HGF: variants seen among roughly 807,000 people sequenced by gnomAD.
The protein encoded by HGF is fibroblast-derived tumor cytotoxic factor.
A neutral mutation model predicts 111.6 loss-of-function variants in HGF; 39 were observed. That is an observed-to-expected ratio of 0.35 (90% CI 0.27 to 0.46). The LOEUF (loss-of-function observed/expected upper bound fraction) is 0.46, where lower values mean the gene tolerates loss of function less well. Among genes scored for constraint, HGF ranks in the 20% least tolerant of loss-of-function variants. The pLI is 1.00. For synonymous variants in HGF, 285 were observed against 294.8 expected (o/e 0.97, Z 0.34); for missense variants, 735 against 910.5 (o/e 0.81, Z 2.48).
Position 81,717,305 on chromosome 7 carries a change from A to G in HGF, c.1332T>C (p.Asp444=), listed in dbSNP as rs2115849100. 6.2e-7 allele frequency: 1 copy of G among 1,613,652 alleles called. No individual in the cohort carries two copies. The highest frequency in any genetic ancestry group is 1.3e-5 in the African/African-American group (1 of 75,046). ...KLNENYCRNP[D]DDAHGPWCYT... is the part of the protein sequence containing the mutation. ...AGCACCAGGGTCCATGAGCATCATCATCTGGATTTCGGCAGTAATTCTCAT... is the reference window on the plus strand; with the variant it reads ...AGCACCAGGGTCCATGAGCATCATCGTCTGGATTTCGGCAGTAATTCTCAT... The change falls in exon 11 of 18, where the codon GAT becomes GAC. Residue 444 remains aspartate, a synonymous_variant. Transcript: ENST00000222390.
intron 7 of HGF, among the ~76,000 whole-genome samples, chr7:81,732,113 G>T (rs1787679923): frequency 6.6e-6 from 1 of 152,124 alleles, no homozygotes; most frequent in South Asian, 2.1e-4. Flanking sequence ...CACAGATCCA[G>T]TCTTGATGAG....
rs2115730449 is a variant in HGF at position 81,700,423 on chromosome 7, A to G, written c.*2158T>C. 1.3e-5 allele frequency: 2 copies of G among 151,754 alleles called. No homozygotes were observed. Among genetic ancestry groups the G allele is most frequent in the South Asian group, 4.1e-4 (2 of 4,826 alleles). The allele number at this position is 151,754 out of a possible 1,614,324, so 9.4% of individuals were successfully genotyped here. On this transcript the variant is annotated 3_prime_UTR_variant, in exon 18 of 18. Transcript: ENST00000222390. The stretch of plus-strand genomic sequence containing the variant: ...AGCCTTTAATAAAATGAAAAATACT[A>G]GCCTCAAAATGTCTAAATACTTAGC...
chr7:81,757,768 A>C (rs1177163813), intron 3 of HGF, among the ~76,000 whole-genome samples: 2 of 152,086 alleles, frequency 1.3e-5, no homozygotes, highest in Non-Finnish European at 2.9e-5. Flanking sequence ...CTTGCTTATT[A>C]GTTTCCATAT....
chr7:81,731,873 T>G, intron 7 of HGF, among the ~76,000 whole-genome samples: 1 of 152,126 alleles, frequency 6.6e-6, no homozygotes, highest in East Asian at 1.9e-4. Flanking sequence ...GGGCACAAGC[T>G]CTTGGGCAGC....
In HGF at chr7:81,705,481, T is replaced by C. The variant is rs756602776; in HGVS notation, c.1919A>G (p.Glu640Gly). 2 of 1,612,702 alleles carry C rather than the reference T, an allele frequency of 1.2e-6. No individual in the cohort carries two copies. ...CCCTCGATGATGCTGGCTGCATTTCTCATTTCCCATTATATAGAGATGTGC... is the reference window on the plus strand; with the variant it reads ...CCCTCGATGATGCTGGCTGCATTTCCCATTTCCCATTATATAGAGATGTGC... ...RVAHLYIMGNEKCSQHHRGKV... is the reference protein window; with the variant it reads ...RVAHLYIMGNGKCSQHHRGKV... The change falls in exon 17 of 18, where the codon GAG becomes GGG. Residue 640 changes from glutamate (E) to glycine (G), a missense_variant. By Grantham distance (98) the Glu-to-Gly change is moderately conservative (BLOSUM62 -2). Around this residue, in one of 3 missense-constraint regions of HGF, gnomAD observed 130 missense variants for 129.9 expected, o/e 1.00. Transcript: ENST00000222390.
chr7:81,762,592 C>A, intron 2 of HGF, 115 bp downstream of exon 2: 1 of 869,164 alleles, frequency 1.2e-6, no homozygotes, highest in Admixed American at 1.8e-5. Flanking sequence ...AATCTAGAGT[C>A]AAACTTACAA....
intron 5 of HGF, chr7:81,750,861 G>A (rs1471265321): frequency 2.4e-5 from 16 of 654,932 alleles, no homozygotes; most frequent in South Asian, 7.0e-5. Context: ...ATATTAATTC[G>A]TTCAGACTTA....
chr7:81,745,123 A>G lies in HGF; in HGVS notation c.626-3T>C. 6.2e-7 allele frequency: 1 copy of G among 1,613,754 alleles called. No individual in the cohort carries two copies. Among genetic ancestry groups the G allele is most frequent in the Non-Finnish European group, 8.5e-7 (1 of 1,179,760 alleles). On this transcript the variant is annotated splice_region_variant and splice_polypyrimidine_tract_variant and intron_variant, in intron 5 of 17. Transcript: ENST00000222390. Reference sequence around the variant, plus strand: ...CCCATTGCAGGTCATGCATTCAACTAATAAAATTAAAGTATGGCATGTTAA... The same window carrying G: ...CCCATTGCAGGTCATGCATTCAACTGATAAAATTAAAGTATGGCATGTTAA...
At chr7:81,759,281 A>AT (rs1480402694) in intron 2 of HGF, among the ~76,000 whole-genome samples, 2 of 152,166 alleles carry the variant, frequency 1.3e-5, no homozygotes, top group Non-Finnish European at 2.9e-5. Flanking sequence ...AACTGTAAAA[A>AT]ATATATTCTA....
intron 11 of HGF, among the ~76,000 whole-genome samples, chr7:81,716,920 A>G (rs1789727989): frequency 6.6e-6 from 1 of 151,970 alleles, no homozygotes; most frequent in Non-Finnish European, 1.5e-5. Flanking sequence ...GGGTGGGGAG[A>G]TCTTTCTAGC....
At chr7:81,708,524 CTTT>C (rs3081099) in intron 13 of HGF, among the ~76,000 whole-genome samples, 7 of 72,472 alleles carry the variant, frequency 9.7e-5, no homozygotes, top group African/African-American at 2.9e-4. Flanking sequence ...TTCCTTCCTT[CTTT>C]TTTTTTTTTT....
intron 9 of HGF, among the ~76,000 whole-genome samples, chr7:81,721,050 C>T (rs1025530093): frequency 6.6e-6 from 1 of 152,202 alleles, no homozygotes; most frequent in Non-Finnish European, 1.5e-5. Flanking sequence ...TCGAGACCAT[C>T]CTGGCTAACA....
intron 12 of HGF, among the ~76,000 whole-genome samples, 158 bp downstream of exon 12, chr7:81,711,323 A>G (rs969301779): frequency 6.6e-6 from 1 of 152,134 alleles, no homozygotes; most frequent in African/African-American, 2.4e-5. Flanking sequence ...CTTTACACCT[A>G]TGCATAGAAA....
At chr7:81,703,222 T>G (rs1213960403) in intron 17 of HGF, among the ~76,000 whole-genome samples, 1 of 150,864 alleles carries the variant, frequency 6.6e-6, no homozygotes, top group Non-Finnish European at 1.5e-5. Context: ...GCATTATATT[T>G]TTTCTTATTT....
Position 81,706,439 on chromosome 7 carries a change from GA to G in HGF, c.1617-13del, listed in dbSNP as rs1016842501. ...AATCTTTCAAGTCTCTGTTTTGAAG[GA>G]AAAAAATTTAAATGTAAAACATAAT... On this transcript the variant is annotated splice_polypyrimidine_tract_variant and intron_variant, in intron 14 of 17. Coordinates refer to ENST00000222390, the MANE Select transcript of HGF (RefSeq NM_000601.6). 6 of 1,603,236 alleles carry G rather than the reference GA, an allele frequency of 3.7e-6. No individual in the cohort carries two copies. The highest frequency in any genetic ancestry group is 5.1e-6 in the Non-Finnish European group (6 of 1,171,034).
intron 10 of HGF, among the ~76,000 whole-genome samples, chr7:81,717,785 G>A (rs1321028117): frequency 6.6e-6 from 1 of 151,998 alleles, no homozygotes; most frequent in Admixed American, 6.6e-5. Context: ...TACAAATGAA[G>A]CATCACTAGC....
At chr7:81,738,205 C>T (rs1332391666) in intron 7 of HGF, among the ~76,000 whole-genome samples, 2 of 152,054 alleles carry the variant, frequency 1.3e-5, no homozygotes, top group Admixed American at 1.3e-4. Flanking sequence ...GACAAACCTG[C>T]ACATTTATGC....
At chr7:81,734,120 G>A (rs980541914) in intron 7 of HGF, among the ~76,000 whole-genome samples, 1 of 152,190 alleles carries the variant, frequency 6.6e-6, no homozygotes, top group African/African-American at 2.4e-5. Context: ...TGATTGTTTA[G>A]ACAAAGCAAC....
intron 13 of HGF, among the ~76,000 whole-genome samples, chr7:81,709,740 T>C (rs1789523041): frequency 6.6e-6 from 1 of 152,160 alleles, no homozygotes; most frequent in South Asian, 2.1e-4. Flanking sequence ...AAAACAAATA[T>C]AAATGTTTTG....
Sources: gnomAD v4.1 joint callset for allele counts (sites outside exome capture counted in the v4.1 genomes callset) on GRCh38, gnomAD v4.1.1 for gene constraint, gnomAD v4.1.1 regional missense constraint, MANE v1.5 for transcripts, NCBI Gene and HGNC (gene_info 2026-07-23, HGNC 2026-07-21) for gene names.